Variants in MAML3 observed in about 807,000 individuals in gnomAD.
MAML3 encodes the protein mastermind-like protein 3.
A neutral mutation model predicts 101.9 loss-of-function variants in MAML3; 27 were observed. That is an observed-to-expected ratio of 0.27 (90% confidence interval 0.20 to 0.37). The LOEUF is 0.37. MAML3 is among the 10% of genes least tolerant of loss of function. The probability of loss-of-function intolerance (pLI) is 1.00; values close to 1 mark genes in which losing one functional copy is unlikely to be tolerated. For missense variants in MAML3, 1,316 were observed against 1,444.9 expected, an observed-to-expected ratio of 0.91 and a Z score of 1.45; for synonymous variants, 501 against 555.9, an observed-to-expected ratio of 0.90 and a Z score of 1.39.
At chr4:140,042,955 G>A (rs1480921886) in intron 1 of MAML3, among the ~76,000 whole-genome samples, 1 of 152,120 alleles carries the variant, frequency 6.6e-6, no homozygotes, top group Non-Finnish European at 1.5e-5. Flanking sequence ...GACTTGAGTG[G>A]TGTAATGCCC....
chr4:139,730,946 C>G (rs1728683127), intron 2 of MAML3: 1 of 454,834 alleles, frequency 2.2e-6, no homozygotes, highest in Non-Finnish European at 4.0e-6. Flanking sequence ...TGCATATAGA[C>G]TGGATTTTCA....
chr4:139,821,858 A>T (rs1016732337), intron 2 of MAML3, among the ~76,000 whole-genome samples: 1 of 152,234 alleles, frequency 6.6e-6, no homozygotes, highest in African/African-American at 2.4e-5. Flanking sequence ...CCAGTACTAT[A>T]CTATTCACAA....
chr4:140,042,126 G>A (rs1211686547), intron 1 of MAML3, among the ~76,000 whole-genome samples: 3 of 152,168 alleles, frequency 2.0e-5, no homozygotes, highest in Non-Finnish European at 4.4e-5. Flanking sequence ...GCAGAGCTGG[G>A]ATTCAAACCC....
chr4:139,820,573 C>A (rs557468123), intron 2 of MAML3, among the ~76,000 whole-genome samples: 42 of 152,142 alleles, frequency 2.8e-4, no homozygotes, highest in Non-Finnish European at 5.0e-4. Flanking sequence ...TTCTTCATTT[C>A]ACTAAACCAA....
At chr4:139,906,297 A>G (rs1732821224) in intron 1 of MAML3, among the ~76,000 whole-genome samples, 1 of 152,194 alleles carries the variant, frequency 6.6e-6, no homozygotes. Flanking sequence ...CAAATTCAGA[A>G]GAAACTTCAC....
At chr4:139,772,758 A>T (rs1730021892) in intron 2 of MAML3, among the ~76,000 whole-genome samples, 1 of 152,136 alleles carries the variant, frequency 6.6e-6, no homozygotes, top group Non-Finnish European at 1.5e-5. Context: ...GAGGTCTTCA[A>T]GCAGAGGCTG....
At position 139,801,380 on chromosome 4, in the gene MAML3, A is replaced by T. The variant is rs573250649; in HGVS notation, c.2080-70713T>A. On this transcript the variant is annotated intron_variant, in intron 2 of 4. Coordinates refer to ENST00000509479, the MANE Select transcript of MAML3 (RefSeq NM_018717.5). ...GTTTGTTTGTTTTCTAAAACTGCCA[A>T]CCCTTTTCCTAAGACAAGGAAACTT... Among the ~76,000 whole-genome samples the T allele has an allele frequency of 2.6e-5, 4 of 152,268 alleles. No individual in the cohort carries two copies. The South Asian group carries it at 8.3e-4, about 32-fold the overall frequency.
chr4:139,996,163 C>T (rs1734808787), intron 1 of MAML3, among the ~76,000 whole-genome samples: 1 of 152,028 alleles, frequency 6.6e-6, no homozygotes, highest in Non-Finnish European at 1.5e-5. Flanking sequence ...GTTTTATGGC[C>T]TAGCATACAG....
intron 1 of MAML3, among the ~76,000 whole-genome samples, chr4:139,901,611 G>A (rs374088970): frequency 5.1e-4 from 77 of 152,260 alleles, no homozygotes; most frequent in Middle Eastern, 3.4e-3. Context: ...GAGGAAGAAG[G>A]GAAGGCTTTC....
rs1734224032 is a variant in MAML3 at position 139,970,918 on chromosome 4, T to G, written c.469-79951A>C. ...CCCAATCATGCTACTCTATTTGTTTTGATTTCCAGAGAAAGATATGGAATC... is the reference window on the plus strand; with the variant it reads ...CCCAATCATGCTACTCTATTTGTTTGGATTTCCAGAGAAAGATATGGAATC... On this transcript the variant is annotated intron_variant, in intron 1 of 4. Coordinates refer to ENST00000509479, the MANE Select transcript of MAML3 (RefSeq NM_018717.5). Among the ~76,000 whole-genome samples, 3 of 152,222 alleles carry G rather than the reference T, an allele frequency of 2.0e-5. No homozygotes were observed. The East Asian group carries it at 5.8e-4, about 29-fold the overall frequency.
intron 1 of MAML3, among the ~76,000 whole-genome samples, chr4:139,986,964 C>T (rs1734550771): frequency 6.6e-6 from 1 of 152,164 alleles, no homozygotes; most frequent in Non-Finnish European, 1.5e-5. Context: ...TAATCAATTA[C>T]TAGAGACCAG....
intron 1 of MAML3, among the ~76,000 whole-genome samples, chr4:139,937,099 C>A (rs1733522511): frequency 6.6e-6 from 1 of 152,148 alleles, no homozygotes; most frequent in Non-Finnish European, 1.5e-5. Context: ...TATTTGCTAA[C>A]CTGTCTTTCT....
intron 2 of MAML3, among the ~76,000 whole-genome samples, chr4:139,788,558 C>A (rs1238497370): frequency 2.6e-5 from 4 of 152,150 alleles, no homozygotes; most frequent in Non-Finnish European, 4.4e-5. Flanking sequence ...AAGAGTGTGG[C>A]TAAAACTGCT....
chr4:139,913,733 G>A (rs1003770805), intron 1 of MAML3, among the ~76,000 whole-genome samples: 5 of 152,180 alleles, frequency 3.3e-5, no homozygotes, highest in African/African-American at 9.7e-5. Flanking sequence ...AGAAGACTAC[G>A]GCGGGCGCCC....
intron 1 of MAML3, among the ~76,000 whole-genome samples, chr4:139,964,105 C>A (rs909611463): frequency 6.6e-6 from 1 of 152,146 alleles, no homozygotes; most frequent in African/African-American, 2.4e-5. Context: ...GGTATATACC[C>A]AAAGGAATAT....
intron 1 of MAML3, among the ~76,000 whole-genome samples, chr4:139,968,172 C>T (rs1734171414): frequency 6.6e-6 from 1 of 151,460 alleles, no homozygotes; most frequent in Non-Finnish European, 1.5e-5. Flanking sequence ...TCGGCTAAGT[C>T]AGGAGGCTTT....
At chr4:139,880,972 G>A (rs2111187453) in intron 2 of MAML3, among the ~76,000 whole-genome samples, 1 of 152,286 alleles carries the variant, frequency 6.6e-6, no homozygotes, top group South Asian at 2.1e-4. Context: ...TTTGGGAGAT[G>A]AAAATCAGCT....
At chr4:140,137,146 G>A (rs894748118) in intron 1 of MAML3, among the ~76,000 whole-genome samples, 1 of 152,230 alleles carries the variant, frequency 6.6e-6, no homozygotes, top group Non-Finnish European at 1.5e-5. Flanking sequence ...CCGCCACCGC[G>A]CCCGGCTAAT....
At chr4:140,096,948 G>T (rs1728175232) in intron 1 of MAML3, among the ~76,000 whole-genome samples, 2 of 151,764 alleles carry the variant, frequency 1.3e-5, no homozygotes, top group African/African-American at 2.4e-5. Flanking sequence ...CATTTATCTG[G>T]AAATTTTGCT....
Sources: allele counts gnomAD v4.1 joint callset (sites outside exome capture counted in the v4.1 genomes callset), GRCh38; gene constraint gnomAD v4.1.1; transcripts MANE v1.5; gene names NCBI Gene and HGNC (gene_info 2026-07-23, HGNC 2026-07-21).